Variants in SEMA4D observed in about 807,000 individuals in gnomAD.
The protein encoded by SEMA4D is semaphorin 4D.
SEMA4D carries 22 observed loss-of-function variants against 74.8 expected under a neutral mutation model. The ratio of observed to expected loss-of-function variants is 0.29; its 90% CI spans 0.21 to 0.42. The LOEUF (loss-of-function observed/expected upper bound fraction) is 0.42, where lower values mean the gene tolerates loss of function less well. Among genes scored for constraint, SEMA4D ranks in the 10% least tolerant of loss-of-function variants. The probability of loss-of-function intolerance (pLI) is 1.00; values close to 1 mark genes in which losing one functional copy is unlikely to be tolerated. For synonymous variants in SEMA4D, 445 were observed against 463.7 expected (o/e 0.96, Z 0.52); for missense variants, 937 against 1,118.4 (o/e 0.84, Z 2.31).
intron 2 of SEMA4D, among the ~76,000 whole-genome samples, chr9:89,410,964 G>A (rs1485678742): frequency 6.6e-6 from 1 of 152,206 alleles, no homozygotes; most frequent in Non-Finnish European, 1.5e-5. Context: ...AAACCTACAA[G>A]TTCTCAAATG....
chr9:89,450,648 C>T (rs1587986486), intron 2 of SEMA4D: 5 of 459,494 alleles, frequency 1.1e-5, no homozygotes, highest in African/African-American at 7.8e-5. Flanking sequence ...TTCTGCAAGT[C>T]GAAAAACCCA....
chr9:89,425,759 C>T (rs576130285), intron 2 of SEMA4D, among the ~76,000 whole-genome samples: 6 of 152,306 alleles, frequency 3.9e-5, no homozygotes, highest in Admixed American at 2.0e-4. Context: ...AAAACAGGCT[C>T]AGAAAAATGC....
intron 1 of SEMA4D, among the ~76,000 whole-genome samples, chr9:89,473,364 T>C (rs1403276596): frequency 6.7e-6 from 1 of 150,346 alleles, no homozygotes; most frequent in Non-Finnish European, 1.5e-5. Flanking sequence ...TCCTTGAGTC[T>C]CAGAGTTTGA....
intron 16 of SEMA4D, chr9:89,367,438 G>A (rs1361402238): frequency 6.6e-6 from 1 of 152,296 alleles, no homozygotes; most frequent in Non-Finnish European, 1.5e-5. Context: ...CCAGGCTGGG[G>A]TGCTACTCCC....
At chr9:89,496,838 G>C (rs1013193275) in intron 1 of SEMA4D, among the ~76,000 whole-genome samples, 15 of 152,188 alleles carry the variant, frequency 9.9e-5, no homozygotes, top group African/African-American at 3.6e-4. Flanking sequence ...GTCACCCCCA[G>C]GAAAGGAAAC....
chr9:89,438,958 C>T (rs963022563), intron 2 of SEMA4D, among the ~76,000 whole-genome samples: 1 of 132,868 alleles, frequency 7.5e-6, no homozygotes, highest in Non-Finnish European at 1.6e-5. Context: ...AGCCACCGCA[C>T]CGGGCCTTTT....
intron 2 of SEMA4D, among the ~76,000 whole-genome samples, chr9:89,406,104 T>C (rs1843263860): frequency 6.6e-6 from 1 of 152,168 alleles, no homozygotes. Context: ...TCTGCCTTTG[T>C]AACGCTCAGC....
intron 2 of SEMA4D, chr9:89,450,183 CAGA>C (rs1393396521): frequency 8.3e-5 from 104 of 1,258,490 alleles, no homozygotes; most frequent in South Asian, 4.8e-5. Context: ...CACAGACAAG[CAGA>C]AGAAGGACCA....
Position 89,379,508 on chromosome 9 carries a change from C to T in SEMA4D, c.1785G>A (p.Lys595=). The change falls in exon 16 of 16, where the codon AAG becomes AAA. Residue 595 remains lysine, a synonymous_variant. Coordinates refer to ENST00000422704, the MANE Select transcript of SEMA4D (RefSeq NM_001371194.2). ...VFWKFQNGVL[K]AESPKYGLMG... is the part of the protein sequence containing the mutation. ...TAAGACCGTACTTGGGGCTCTCGGC[C>T]TTCAACACGCCATTCTGGAACTTCC... is the stretch of plus-strand genomic sequence containing the variant. 1 of 1,614,188 alleles carries T rather than the reference C, an allele frequency of 6.2e-7. No homozygotes were observed. The highest frequency in any genetic ancestry group is 8.5e-7 in the Non-Finnish European group (1 of 1,180,042).
chr9:89,389,384 C>A (rs1178321604), intron 9 of SEMA4D, among the ~76,000 whole-genome samples: 1 of 152,248 alleles, frequency 6.6e-6, no homozygotes, highest in Non-Finnish European at 1.5e-5. Flanking sequence ...ACACTTCCAA[C>A]TGCCAAGGCC....
chr9:89,410,616 C>T (rs1219556942), intron 2 of SEMA4D, among the ~76,000 whole-genome samples: 2 of 152,108 alleles, frequency 1.3e-5, no homozygotes, highest in African/African-American at 2.4e-5. Flanking sequence ...TTCAGGAGTC[C>T]CACATGAACT....
At chr9:89,479,049 T>A (rs554761737) in intron 1 of SEMA4D, among the ~76,000 whole-genome samples, 47 of 152,144 alleles carry the variant, frequency 3.1e-4, no homozygotes, top group South Asian at 2.3e-3. Context: ...GGGCCCTGAG[T>A]GGAGGGGACT....
chr9:89,495,694 A>G (rs928531850), intron 1 of SEMA4D, among the ~76,000 whole-genome samples: 33 of 152,138 alleles, frequency 2.2e-4, no homozygotes, highest in African/African-American at 7.5e-4. Context: ...GTTTATTTCT[A>G]TATTTTCACG....
At chr9:89,399,026 T>C (rs576973913) in intron 5 of SEMA4D, among the ~76,000 whole-genome samples, 7 of 152,198 alleles carry the variant, frequency 4.6e-5, no homozygotes, top group Non-Finnish European at 8.8e-5. Flanking sequence ...TACATTCAAT[T>C]CATATAAACT....
chr9:89,450,660 G>GGAAAAAAAAAAAAA lies in SEMA4D; in HGVS notation c.-244+5227_-244+5228insTTTTTTTTTTTTTC, dbSNP rs1491451024. On this transcript the variant is annotated intron_variant, in intron 2 of 15. Transcript: ENST00000422704. ...GAGTTCTGCAAGTCGAAAAACCCAG[G>GGAAAAAAAAAAAAA]AAAAAAAAAAAAAAAAAAAAAAAAA... The GGAAAAAAAAAAAAA allele has an allele frequency of 1.6e-3, 709 of 430,156 alleles. 80 individuals are homozygous for GGAAAAAAAAAAAAA. Among genetic ancestry groups the GGAAAAAAAAAAAAA allele is most frequent in the Non-Finnish European group, 2.0e-3 (552 of 279,010 alleles). The allele number at this position is 430,156 out of a possible 1,614,324, so 26.6% of individuals were successfully genotyped here.
intron 2 of SEMA4D, among the ~76,000 whole-genome samples, chr9:89,446,260 T>C (rs149780154): frequency 1.3e-5 from 2 of 152,144 alleles, no homozygotes; most frequent in Non-Finnish European, 2.9e-5. Flanking sequence ...TGTGAGTGCA[T>C]TTGGGGCCCA....
At position 89,473,351 on chromosome 9, in the gene SEMA4D, G is replaced by A. The variant is rs532406297; in HGVS notation, c.-309-17398C>T. ...GCACTTTAGGAGGCCGAGGCAGGAC[G>A]ACTCCTTGAGTCTCAGAGTTTGAGA... On this transcript the variant is annotated intron_variant, in intron 1 of 15. Transcript: ENST00000422704. 7.2e-5 allele frequency among the ~76,000 whole-genome samples: 11 copies of A among 152,114 alleles called. No homozygotes were observed. In the South Asian group the frequency reaches 8.3e-4, roughly 11 times the overall value.
rs530882961 is a variant in SEMA4D at position 89,379,269 on chromosome 9, G to A, written c.2024C>T (p.Ala675Val). ...GSRIATKVLVASTQGSSPPTP... is the reference protein window; with the variant it reads ...GSRIATKVLVVSTQGSSPPTP... ...TGGGGGAGAAGACCCTTGGGTGGAT[G>A]CCACCAACACTTTGGTGGCAATCCT... Residue 675 changes from alanine to valine, a missense_variant, in exon 16 of 16, where the codon GCA (alanine) becomes GTA (valine). Transcript: ENST00000422704. The A allele has an allele frequency of 1.7e-5, 27 of 1,614,152 alleles. No individual in the cohort carries two copies. In the South Asian group the frequency reaches 3.0e-4, roughly 18 times the overall value.
downstream of SEMA4D, among the ~76,000 whole-genome samples, chr9:89,374,881 T>C (rs1159621880): frequency 4.6e-5 from 7 of 152,214 alleles, no homozygotes; most frequent in South Asian, 2.1e-4. Context: ...GGCGAAACCC[T>C]GTCTCTACTA....
Sources: allele counts gnomAD v4.1 joint callset (sites outside exome capture counted in the v4.1 genomes callset), GRCh38; gene constraint gnomAD v4.1.1; transcripts MANE v1.5; gene names NCBI Gene and HGNC (gene_info 2026-07-23, HGNC 2026-07-21).